Variants in ZNF511 observed in about 807,000 individuals in gnomAD.
ZNF511 encodes the protein zinc finger protein 511.
A neutral mutation model predicts 24.8 loss-of-function variants in ZNF511; 26 were observed. The ratio of observed to expected loss-of-function variants is 1.05; its 90% CI spans 0.77 to 1.46. ZNF511 has a LOEUF of 1.46. Ranked by LOEUF, ZNF511 falls within the 40% of genes most tolerant of loss-of-function variation. ZNF511 has a pLI of 0.00. For missense variants in ZNF511, 358 were observed against 345.0 expected (o/e 1.04, Z -0.30); for synonymous variants, 144 against 139.6 (o/e 1.03, Z -0.22).
chr10:133,312,029 G>C, intron 5 of ZNF511, 188 bp downstream of exon 5: 1 of 1,535,642 alleles, frequency 6.5e-7, no homozygotes, highest in South Asian at 1.2e-5. Context: ...AGTTTCTCTC[G>C]CATACTCTGT....
chr10:133,311,620 AG>A lies in ZNF511; in HGVS notation c.555-93del, dbSNP rs35466218. On this transcript the variant is annotated intron_variant, in intron 4 of 5. Transcript: ENST00000361518. ...AATAGTAAGAAAATATGCTACTTAC[AG>A]GGAAATCCAGTTTCTTTCTTGCATG... The A allele has an allele frequency of 1.0e-5, 11 of 1,072,100 alleles. No individual in the cohort carries two copies. In the African/African-American group the frequency reaches 1.7e-4, roughly 17 times the overall value. The allele number at this position is 1,072,100 out of a possible 1,614,324, so 66.4% of individuals were successfully genotyped here. A position where few individuals can be genotyped will look rare whatever the true frequency, so the allele number is the denominator to read the frequency against.
Position 133,311,597 on chromosome 10 carries a change from T to C in ZNF511, c.555-119T>C, listed in dbSNP as rs557090467. 6.9e-6 allele frequency: 6 copies of C among 872,304 alleles called. No individual in the cohort carries two copies. The Admixed American group carries it at 7.4e-5, about 11-fold the overall frequency. The allele number at this position is 872,304 out of a possible 1,614,324, so 54.0% of individuals were successfully genotyped here. A position where few individuals can be genotyped will look rare whatever the true frequency, so the allele number is the denominator to read the frequency against. On this transcript the variant is annotated intron_variant, in intron 4 of 5. Transcript: ENST00000361518. ...ACTATAAAATCAGACTATGCCAAAATAGTAAGAAAATATGCTACTTACAGG... is the reference window on the plus strand; with the variant it reads ...ACTATAAAATCAGACTATGCCAAAACAGTAAGAAAATATGCTACTTACAGG...
chr10:133,309,396 G>C lies in ZNF511; in HGVS notation c.160G>C (p.Asp54His), dbSNP rs1564777740. Residue 54 changes from aspartate (D) to histidine (H), a missense_variant, in exon 2 of 6, where the codon GAC (aspartate) becomes CAC (histidine). Coordinates refer to ENST00000361518, the MANE Select transcript of ZNF511 (RefSeq NM_145806.4). ...CGGCGCACTTTTCCTGCAGGATGGG[G>C]ACGTGCAGCGCCACCTCTACCTCCA... is the stretch of plus-strand genomic sequence containing the variant. ...PREHQFFEDG[D>H]VQRHLYLQDV... is the part of the protein sequence containing the mutation. 6.2e-7 allele frequency: 1 copy of C among 1,611,684 alleles called. No homozygotes were observed. The highest frequency in any genetic ancestry group is 8.5e-7 in the Non-Finnish European group (1 of 1,179,558).
chr10:133,312,112 G>A (rs1554879260), intron 5 of ZNF511: 2 of 1,443,508 alleles, frequency 1.4e-6, no homozygotes, highest in Non-Finnish European at 1.8e-6. Context: ...GATGGAAAGA[G>A]TCTCACTTGC....
At chr10:133,310,534 G>A in intron 4 of ZNF511, 1 of 540,614 alleles carries the variant, frequency 1.8e-6, no homozygotes, top group Non-Finnish European at 3.3e-6. Flanking sequence ...GGCAGCAGAG[G>A]GGGTGTGGGA....
chr10:133,308,955 C>G lies in ZNF511; in HGVS notation c.12C>G (p.Pro4=). 8.1e-7 allele frequency: 1 copy of G among 1,237,414 alleles called. No individual in the cohort carries two copies. The highest frequency in any genetic ancestry group is 1.0e-6 in the Non-Finnish European group (1 of 983,954). 76.7% of individuals were successfully genotyped at this position (1,237,414 alleles called of 1,614,324 possible). ...CCGCGCCCGGGGTGATGCAGTTGCC[C>G]CCCGCGCTGTGCGCCCGCCTCGCTG... MQL[P]PALCARLAAG... The change falls in exon 1 of 6, where the codon CCC becomes CCG. Residue 4 remains proline (P), a synonymous_variant. Transcript: ENST00000361518.
chr10:133,309,038 C>T lies in ZNF511; in HGVS notation c.95C>T (p.Ala32Val). ...GAGCGGGATCCCGCGGCTGGGGCCGCGCCCTTTCGCTTCGTTGCGCGCCCC... is the reference window on the plus strand; with the variant it reads ...GAGCGGGATCCCGCGGCTGGGGCCGTGCCCTTTCGCTTCGTTGCGCGCCCC... ...PVERDPAAGA[A>V]PFRFVARPVR... Residue 32 changes from alanine (A) to valine (V), a missense_variant, in exon 1 of 6, where the codon GCG becomes GTG. By Grantham distance (64) the Ala-to-Val change is moderately conservative. Coordinates refer to ENST00000361518, the MANE Select transcript of ZNF511 (RefSeq NM_145806.4). 7.9e-7 allele frequency: 1 copy of T among 1,271,306 alleles called. No homozygotes were observed. The highest frequency in any genetic ancestry group is 1.0e-6 in the Non-Finnish European group (1 of 1,002,956). The allele number at this position is 1,271,306 out of a possible 1,614,324, so 78.8% of individuals were successfully genotyped here.
intron 2 of ZNF511, 107 bp from the exon 3 acceptor site, chr10:133,309,669 A>G (rs1049536679): frequency 4.3e-5 from 60 of 1,392,094 alleles, no homozygotes; most frequent in Non-Finnish European, 6.1e-5. Flanking sequence ...GGGATTGCAA[A>G]AGATGCATAG....
chr10:133,310,077 C>T, intron 3 of ZNF511, 87 bp from the exon 4 acceptor site: 4 of 1,610,092 alleles, frequency 2.5e-6, no homozygotes, highest in South Asian at 1.1e-5. Context: ...CCGGGGACAC[C>T]TTTCCGCCCT....
In ZNF511 at chr10:133,309,918, G is replaced by GC. The variant is rs1847949755; in HGVS notation, c.373dup (p.His125ProfsTer15). ...CTTCCCTTCCGGACACCTGCTGGAC[G>GC]CCCACATCCTGGAGTGGCACGATTC... is the stretch of plus-strand genomic sequence containing the variant. On this transcript the variant is annotated frameshift_variant, in exon 3 of 6. Transcript: ENST00000361518. LOFTEE classifies it high-confidence loss of function. 6.2e-7 allele frequency: 1 copy of GC among 1,613,450 alleles called. No individual in the cohort carries two copies. Among genetic ancestry groups the GC allele is most frequent in the South Asian group, 1.1e-5 (1 of 91,088 alleles).
intron 5 of ZNF511, chr10:133,312,343 AT>A: frequency 8.6e-7 from 1 of 1,163,126 alleles, no homozygotes; most frequent in Non-Finnish European, 1.1e-6. Flanking sequence ...TTTTAAATTA[AT>A]TTGGGAAAAA....
chr10:133,311,577 A>G, intron 4 of ZNF511, 139 bp from the exon 5 acceptor site: 1 of 721,824 alleles, frequency 1.4e-6, no homozygotes, highest in Non-Finnish European at 2.3e-6. Flanking sequence ...ACCACACTAT[A>G]AAATCAGACT....
chr10:133,309,729 G>T, intron 2 of ZNF511, 47 bp from the exon 3 acceptor site: 1 of 1,603,732 alleles, frequency 6.2e-7, no homozygotes, highest in Non-Finnish European at 8.5e-7. Context: ...GTCCAGCTTG[G>T]TTCCTCGCAC....
At chr10:133,309,497 T>C (rs1357227048) in intron 2 of ZNF511, 34 bp downstream of exon 2, 2 of 1,598,774 alleles carry the variant, frequency 1.3e-6, no homozygotes, top group East Asian at 2.3e-5. Context: ...CCAGTGCTAC[T>C]CCTGCGCCGC....
At chr10:133,312,589 G>A (rs1031610107) in intron 5 of ZNF511, 199 bp from the exon 6 acceptor site, 8 of 1,467,614 alleles carry the variant, frequency 5.5e-6, no homozygotes, top group Non-Finnish European at 7.2e-6. Flanking sequence ...GGTGTGCGTT[G>A]GTGGCTGGCG....
At chr10:133,312,767 A>G in intron 5 of ZNF511, 21 bp from the exon 6 acceptor site, 1 of 1,614,188 alleles carries the variant, frequency 6.2e-7, no homozygotes, top group Non-Finnish European at 8.5e-7. Context: ...AGCATCTAAT[A>G]GAAACTTTCT....
chr10:133,311,946 G>A (rs571571394), intron 5 of ZNF511, 105 bp downstream of exon 5: 2 of 1,612,518 alleles, frequency 1.2e-6, no homozygotes, highest in East Asian at 2.2e-5. Flanking sequence ...AATTCAGAAA[G>A]GTAACGCTGG....
intron 5 of ZNF511, chr10:133,312,519 G>A: frequency 7.4e-7 from 1 of 1,349,480 alleles, no homozygotes; most frequent in Non-Finnish European, 9.5e-7. Flanking sequence ...GGGGTAGCAG[G>A]AAGTCTCAGC....
rs778458681 is a variant in ZNF511 at position 133,309,422 on chromosome 10, G to C, written c.186G>C (p.Gln62His). The change falls in exon 2 of 6, where the codon CAG becomes CAC. Residue 62 changes from glutamine to histidine, a missense_variant. Coordinates refer to ENST00000361518, the MANE Select transcript of ZNF511 (RefSeq NM_145806.4). ...DGDVQRHLYL[Q>H]DVIMQVADVP... ...ACGTGCAGCGCCACCTCTACCTCCA[G>C]GACGTGATCATGCAGGTGGCCGACG... 18 of 1,612,536 alleles carry C rather than the reference G, an allele frequency of 1.1e-5. No homozygotes were observed. The highest frequency in any genetic ancestry group is 1.5e-5 in the Non-Finnish European group (18 of 1,179,764).
Sources: gnomAD v4.1 joint callset for allele counts on GRCh38, gnomAD v4.1.1 for gene constraint, MANE v1.5 for transcripts, NCBI Gene and HGNC (gene_info 2026-07-23, HGNC 2026-07-21) for gene names.